The following NELL1 variants were observed in gnomAD, a reference collection of about 807,000 sequenced individuals.
NELL1 encodes protein kinase C-binding protein NELL1.
In NELL1, 76 loss-of-function variants were observed where a neutral mutation model predicts 107.4. That is an observed-to-expected ratio of 0.71 (90% CI 0.59 to 0.86). The LOEUF (loss-of-function observed/expected upper bound fraction) is 0.86, where lower values mean the gene tolerates loss of function less well. NELL1 is among the 40% of genes least tolerant of loss of function. The pLI, the probability that NELL1 is intolerant of heterozygous loss-of-function variation, is 0.00. For synonymous variants in NELL1, 353 were observed against 341.2 expected (o/e 1.03, Z -0.38); for missense variants, 1,024 against 1,005.5 (o/e 1.02, Z -0.25).
intron 3 of NELL1, among the ~76,000 whole-genome samples, chr11:20,831,654 G>A (rs1302750150): frequency 6.6e-6 from 1 of 152,116 alleles, no homozygotes; most frequent in Non-Finnish European, 1.5e-5. Context: ...ATGACACAGA[G>A]CCATCTCATC....
At chr11:21,440,525 A>G (rs1853254858) in intron 15 of NELL1, among the ~76,000 whole-genome samples, 1 of 152,222 alleles carries the variant, frequency 6.6e-6, no homozygotes, top group East Asian at 1.9e-4. Context: ...CACTATATCC[A>G]AGAAAGAAAC....
At chr11:20,792,599 A>C (rs577639374) in intron 3 of NELL1, among the ~76,000 whole-genome samples, 1 of 152,088 alleles carries the variant, frequency 6.6e-6, no homozygotes, top group South Asian at 2.1e-4. Context: ...ATATCTTTTC[A>C]GTGTGCATTT....
chr11:21,349,816 T>C (rs1850764179), intron 14 of NELL1, among the ~76,000 whole-genome samples: 1 of 152,150 alleles, frequency 6.6e-6, no homozygotes, highest in Non-Finnish European at 1.5e-5. Context: ...CCTAGATAGG[T>C]CCATGTGTCC....
chr11:20,816,059 TTA>T (rs1857616953), intron 3 of NELL1, among the ~76,000 whole-genome samples: 1 of 152,212 alleles, frequency 6.6e-6, no homozygotes, highest in South Asian at 2.1e-4. Flanking sequence ...TACTATAGTC[TTA>T]TAGCATAGTT....
intron 2 of NELL1, among the ~76,000 whole-genome samples, chr11:20,716,984 C>A (rs1429937479): frequency 6.6e-6 from 1 of 152,160 alleles, no homozygotes; most frequent in East Asian, 1.9e-4. Context: ...AGATCTAGTT[C>A]ATTAGTTTGA....
At chr11:21,132,250 G>A (rs958440210) in intron 13 of NELL1, among the ~76,000 whole-genome samples, 21 of 152,098 alleles carry the variant, frequency 1.4e-4, no homozygotes, top group African/African-American at 4.1e-4. Flanking sequence ...CACACACACA[G>A]GGCAATGGGG....
At chr11:21,197,473 T>C (rs1857180393) in intron 13 of NELL1, among the ~76,000 whole-genome samples, 1 of 151,526 alleles carries the variant, frequency 6.6e-6, no homozygotes, top group African/African-American at 2.4e-5. Flanking sequence ...ACTTCCTCTG[T>C]TGTTAATAGG....
At chr11:21,385,349 ATTAG>A (rs1851719023) in intron 15 of NELL1, among the ~76,000 whole-genome samples, 1 of 151,932 alleles carries the variant, frequency 6.6e-6, no homozygotes, top group Non-Finnish European at 1.5e-5. Flanking sequence ...TTAGTTTCGT[ATTAG>A]TCTCTAAAGC....
At chr11:20,823,672 A>G (rs1050959618) in intron 3 of NELL1, among the ~76,000 whole-genome samples, 2 of 151,226 alleles carry the variant, frequency 1.3e-5, no homozygotes, top group Non-Finnish European at 3.0e-5. Context: ...AGTTTTAAAT[A>G]AGTTTCCAGG....
chr11:21,318,096 A>T (rs1215033053), intron 14 of NELL1, among the ~76,000 whole-genome samples: 2 of 152,156 alleles, frequency 1.3e-5, no homozygotes, highest in African/African-American at 4.8e-5. Context: ...GAACAATTTA[A>T]GACTTCAAAG....
At chr11:20,912,683 C>T (rs895090114) in intron 5 of NELL1, among the ~76,000 whole-genome samples, 5 of 152,090 alleles carry the variant, frequency 3.3e-5, no homozygotes, top group African/African-American at 9.7e-5. Flanking sequence ...CTTTCCCTTA[C>T]CTGGACATCA....
chr11:21,066,934 A>G (rs1853887245), intron 12 of NELL1, among the ~76,000 whole-genome samples: 1 of 151,954 alleles, frequency 6.6e-6, no homozygotes, highest in African/African-American at 2.4e-5. Flanking sequence ...AGCCTGAGCG[A>G]CAGAGCGAGA....
chr11:21,509,191 G>A (rs1007611472), intron 15 of NELL1, among the ~76,000 whole-genome samples: 1 of 152,160 alleles, frequency 6.6e-6, no homozygotes, highest in Admixed American at 6.5e-5. Flanking sequence ...ACCCACTGTA[G>A]TGGCAAAAAC....
intron 14 of NELL1, among the ~76,000 whole-genome samples, chr11:21,232,929 A>C (rs1243335434): frequency 6.6e-6 from 1 of 152,206 alleles, no homozygotes; most frequent in African/African-American, 2.4e-5. Context: ...CTGGGATTCC[A>C]GGCATGAGGC....
rs1856911491 is a variant in NELL1 at position 21,185,317 on chromosome 11, TG to T, written c.1427-44014del. 2.9e-5 allele frequency among the ~76,000 whole-genome samples: 3 copies of T among 104,854 alleles called. No individual in the cohort carries two copies. In the East Asian group the frequency reaches 9.2e-4, roughly 32 times the overall value. The allele number at this position is 104,854 out of a possible 152,430, so 68.8% of individuals were successfully genotyped here. On this transcript the variant is annotated intron_variant, in intron 13 of 19. Transcript: ENST00000357134. ...TCTTTTTTTTTTTTTTTTTTTGAGG[TG>T]AAATTTCGCTCTTGTTGCCCAGGCT...
chr11:21,416,789 C>T (rs911833587), intron 15 of NELL1, among the ~76,000 whole-genome samples: 1 of 151,994 alleles, frequency 6.6e-6, no homozygotes, highest in Non-Finnish European at 1.5e-5. Context: ...CAGCTTGACC[C>T]ATCTTCATTT....
intron 15 of NELL1, among the ~76,000 whole-genome samples, chr11:21,406,115 T>G (rs1304377352): frequency 6.6e-6 from 1 of 151,970 alleles, no homozygotes; most frequent in Non-Finnish European, 1.5e-5. Flanking sequence ...GAAGCTAATC[T>G]TCAACAGGAG....
intron 11 of NELL1, among the ~76,000 whole-genome samples, chr11:20,959,831 A>C (rs536835184): frequency 4.2e-4 from 64 of 152,326 alleles, no homozygotes; most frequent in African/African-American, 1.5e-3. Flanking sequence ...TTTTTAAAAA[A>C]GCATACCATA....
chr11:21,464,061 G>A (rs1310866011), intron 15 of NELL1, among the ~76,000 whole-genome samples: 1 of 152,040 alleles, frequency 6.6e-6, no homozygotes. Flanking sequence ...TACCTGGTGG[G>A]CAGGGCTCCA....
Sources: allele counts gnomAD v4.1 joint callset (sites outside exome capture counted in the v4.1 genomes callset), GRCh38; gene constraint gnomAD v4.1.1; transcripts MANE v1.5; gene names NCBI Gene and HGNC (gene_info 2026-07-23, HGNC 2026-07-21).